ASB13: variants seen among roughly 807,000 people sequenced by gnomAD.
ASB13 encodes the protein ankyrin repeat and SOCS box containing 13, also known as ankyrin repeat and SOCS box protein 13.
Under a neutral mutation model 28.8 loss-of-function variants are expected in ASB13, and 33 were observed. That is an observed-to-expected ratio of 1.15 (90% CI 0.87 to 1.53). ASB13 has a LOEUF of 1.53. Among genes scored for constraint, ASB13 ranks in the 40% most tolerant of loss-of-function variants. The pLI is 0.00. For missense variants in ASB13, 414 were observed against 390.1 expected (o/e 1.06, Z -0.52); for synonymous variants, 182 against 172.9 (o/e 1.05, Z -0.41).
Position 5,641,906 on chromosome 10 carries a change from C to A in ASB13, c.573G>T (p.Lys191Asn), listed in dbSNP as rs751970743. ...LHETALHHAAKVKNVDLIEML... is the reference protein window; with the variant it reads ...LHETALHHAANVKNVDLIEML... Reference sequence around the variant, plus strand: ...TCTCGATGAGGTCAACATTCTTGACCTTGGCCGCGTGGTGAAGGGCAGTCT... The same window carrying A: ...TCTCGATGAGGTCAACATTCTTGACATTGGCCGCGTGGTGAAGGGCAGTCT... Residue 191 changes from lysine to asparagine, a missense_variant, in exon 5 of 6, where the codon AAG becomes AAT. Physicochemically the swap from Lys to Asn is moderately conservative, Grantham distance 94. Coordinates refer to ENST00000357700, the MANE Select transcript of ASB13 (RefSeq NM_024701.4). The surrounding 1 kb of genome is among the most constrained non-coding windows in gnomAD (Gnocchi z 8.4). 1.2e-6 allele frequency: 2 copies of A among 1,613,656 alleles called. No homozygotes were observed. The highest frequency in any genetic ancestry group is 1.7e-6 in the Non-Finnish European group (2 of 1,179,684).
At position 5,652,062 on chromosome 10, in the gene ASB13, A is replaced by ACACACACACAC. The variant is rs1588513752; in HGVS notation, c.232-700_232-699insGTGTGTGTGTG. On this transcript the variant is annotated intron_variant, in intron 2 of 5. Transcript: ENST00000357700. This position sits in a 1 kb window ranked among gnomAD's most constrained non-coding sequence, Gnocchi z 5.0. ...CACACACACACACACACACACACAC[A>ACACACACACAC]AAACTCTAACCTCAATGGAAGGAAT... Among the ~76,000 whole-genome samples the ACACACACACAC allele has an allele frequency of 4.1e-5, 6 of 146,306 alleles. No homozygotes were observed. The highest frequency in any genetic ancestry group is 1.3e-4 in the African/African-American group (5 of 39,694).
chr10:5,651,476 C>T lies in ASB13; in HGVS notation c.232-113G>A. ...GATGCTTCTTAGAAGCACCGGTTTG[C>T]TTTGCTATTATGTGCTAGGCAACGA... On this transcript the variant is annotated intron_variant, in intron 2 of 5. Transcript: ENST00000357700. This position sits in a 1 kb window ranked among gnomAD's most constrained non-coding sequence, Gnocchi z 5.1. 2 of 1,269,936 alleles carry T rather than the reference C, an allele frequency of 1.6e-6. No individual in the cohort carries two copies. Among genetic ancestry groups the T allele is most frequent in the South Asian group, 1.5e-5 (1 of 65,576 alleles). 78.7% of individuals were successfully genotyped at this position (1,269,936 alleles called of 1,614,324 possible).
chr10:5,647,218 C>T (rs77774997), intron 4 of ASB13, among the ~76,000 whole-genome samples: 170 of 152,346 alleles, frequency 1.1e-3, no homozygotes, highest in African/African-American at 3.9e-3. Context: ...CTCAGCCTCC[C>T]AAAGTGCTGA....
In ASB13 at chr10:5,653,630, T is replaced by C. The variant is rs1835023943; in HGVS notation, c.44-580A>G. On this transcript the variant is annotated intron_variant, in intron 1 of 5. Transcript: ENST00000357700. ...ATGTCATCTGCAAACAAAGATCATT[T>C]AACTTCTTCCTTTCTAATGTGGATG... 2.0e-5 allele frequency among the ~76,000 whole-genome samples: 3 copies of C among 152,280 alleles called. No homozygotes were observed. The South Asian group carries it at 6.2e-4, about 32-fold the overall frequency.
chr10:5,640,459 G>T lies in ASB13; in HGVS notation c.*244C>A, dbSNP rs549246038. The T allele has an allele frequency of 3.4e-5, 16 of 466,396 alleles. No homozygotes were observed. The highest frequency in any genetic ancestry group is 2.9e-4 in the African/African-American group (15 of 50,900). 28.9% of individuals were successfully genotyped at this position (466,396 alleles called of 1,614,324 possible). A position where few individuals can be genotyped will look rare whatever the true frequency, so the allele number is the denominator to read the frequency against. ...GGTTGGGCCCATGCCCATTGAGAGG[G>T]TAGGTTCTGTAGAACAGCGCAGGGC... On this transcript the variant is annotated 3_prime_UTR_variant, in exon 6 of 6. Transcript: ENST00000357700.
At chr10:5,640,915 C>A in intron 5 of ASB13, 85 bp from the exon 6 acceptor site, 3 of 1,525,282 alleles carry the variant, frequency 2.0e-6, no homozygotes, top group South Asian at 2.3e-5. Flanking sequence ...CAGAGGGAAT[C>A]GGAAACGCCT....
chr10:5,648,646 G>C lies in ASB13; in HGVS notation c.517+324C>G, dbSNP rs182630036. 2.4e-3 allele frequency among the ~76,000 whole-genome samples: 318 copies of C among 131,514 alleles called. 3 individuals carry two copies. The highest frequency in any genetic ancestry group is 8.8e-3 in the African/African-American group (302 of 34,198). 86.3% of individuals were successfully genotyped at this position (131,514 alleles called of 152,430 possible). ...AACAACCACGCAGGTAAACACCCAC[G>C]CGGGCAAACACCCACTCGGGCAAAC... On this transcript the variant is annotated intron_variant, in intron 4 of 5. Coordinates refer to ENST00000357700, the MANE Select transcript of ASB13 (RefSeq NM_024701.4).
chr10:5,651,959 G>A lies in ASB13; in HGVS notation c.232-596C>T, dbSNP rs950394953. Among the ~76,000 whole-genome samples, 4 of 134,410 alleles carry A rather than the reference G, an allele frequency of 3.0e-5. No homozygotes were observed. The highest frequency in any genetic ancestry group is 8.3e-5 in the Admixed American group (1 of 11,994). The allele number at this position is 134,410 out of a possible 152,430, so 88.2% of individuals were successfully genotyped here. On this transcript the variant is annotated intron_variant, in intron 2 of 5. Coordinates refer to ENST00000357700, the MANE Select transcript of ASB13 (RefSeq NM_024701.4). This position sits in a 1 kb window ranked among gnomAD's most constrained non-coding sequence, Gnocchi z 5.1. Reference sequence around the variant, plus strand: ...TGAGGTTGCAGTGAGCTATGATCACGCCACTGCATTCCAGCCTAGGCGACA... The same window carrying A: ...TGAGGTTGCAGTGAGCTATGATCACACCACTGCATTCCAGCCTAGGCGACA...
At chr10:5,657,089 T>C (rs1488035252) in intron 1 of ASB13, among the ~76,000 whole-genome samples, 1 of 152,178 alleles carries the variant, frequency 6.6e-6, no homozygotes, top group Admixed American at 6.5e-5. Flanking sequence ...GTATCACCAG[T>C]CTACAAAGGA....
At chr10:5,648,893 AAC>A (rs1240249464) in intron 4 of ASB13, 75 bp downstream of exon 4, 6 of 1,583,966 alleles carry the variant, frequency 3.8e-6, no homozygotes, top group Non-Finnish European at 5.2e-6. Context: ...CACTTGGGCA[AAC>A]ACCCACGCAG....
intron 1 of ASB13, among the ~76,000 whole-genome samples, chr10:5,665,623 G>C (rs1464615888): frequency 6.6e-6 from 1 of 152,188 alleles, no homozygotes; most frequent in Non-Finnish European, 1.5e-5. Flanking sequence ...GGAATGCCAA[G>C]TAAAAACACA....
In ASB13 at chr10:5,642,681, C is replaced by G; in HGVS notation, c.518-720G>C. The G allele has an allele frequency of 2.9e-6, 1 of 347,530 alleles. No individual in the cohort carries two copies. 21.5% of individuals were successfully genotyped at this position (347,530 alleles called of 1,614,324 possible). Reference sequence around the variant, plus strand: ...TTTTTTTTTGAGACAGAGTCTCACTCTGTTGCCCAGGCTGGAGTGCAGTGA... The same window carrying G: ...TTTTTTTTTGAGACAGAGTCTCACTGTGTTGCCCAGGCTGGAGTGCAGTGA... On this transcript the variant is annotated intron_variant, in intron 4 of 5. Coordinates refer to ENST00000357700, the MANE Select transcript of ASB13 (RefSeq NM_024701.4). The surrounding 1 kb of genome is among the most constrained non-coding windows in gnomAD (Gnocchi z 4.1).
In ASB13 at chr10:5,651,136, C is replaced by T. The variant is rs2131448764; in HGVS notation, c.382+77G>A. On this transcript the variant is annotated intron_variant, in intron 3 of 5. Transcript: ENST00000357700. This position sits in a 1 kb window ranked among gnomAD's most constrained non-coding sequence, Gnocchi z 5.1. ...CCAATTCTGTCTACTCTGCTTCCTT[C>T]CCTAAGTCCCTTTAATCCCAGAAAG... The T allele has an allele frequency of 6.7e-7, 1 of 1,498,658 alleles. No homozygotes were observed. Among genetic ancestry groups the T allele is most frequent in the East Asian group, 2.4e-5 (1 of 41,982 alleles). 92.8% of individuals were successfully genotyped at this position (1,498,658 alleles called of 1,614,324 possible).
Position 5,656,716 on chromosome 10 carries a change from A to G in ASB13, c.44-3666T>C, listed in dbSNP as rs570820932. On this transcript the variant is annotated intron_variant, in intron 1 of 5. Coordinates refer to ENST00000357700, the MANE Select transcript of ASB13 (RefSeq NM_024701.4). The surrounding 1 kb of genome is among the most constrained non-coding windows in gnomAD (Gnocchi z 4.3). ...CTCTGGGATTAAAAGGAAAGCATGTAAACAACTAGCTATGTTTTGTTAAAG... is the reference window on the plus strand; with the variant it reads ...CTCTGGGATTAAAAGGAAAGCATGTGAACAACTAGCTATGTTTTGTTAAAG... Among the ~76,000 whole-genome samples, 4 of 152,368 alleles carry G rather than the reference A, an allele frequency of 2.6e-5. No individual in the cohort carries two copies. The South Asian group carries it at 8.3e-4, about 32-fold the overall frequency.
Position 5,651,226 on chromosome 10 carries a change from C to A in ASB13, c.369G>T (p.Glu123Asp), listed in dbSNP as rs1252778754. ...PPLYTASPLH[E>D]ACMSGSSECV... The stretch of plus-strand genomic sequence containing the variant: ...CTGCCAACTCACCGCTCATGCAGGC[C>A]TCGTGCAGGGGGGACGCTGTGTACA... The change falls in exon 3 of 6, where the codon GAG (glutamate) becomes GAT (aspartate). Residue 123 changes from glutamate (E) to aspartate (D), a missense_variant. Transcript: ENST00000357700. This position sits in a 1 kb window ranked among gnomAD's most constrained non-coding sequence, Gnocchi z 5.1. 1 of 1,609,516 alleles carries A rather than the reference C, an allele frequency of 6.2e-7. No individual in the cohort carries two copies.
In ASB13 at chr10:5,656,784, C is replaced by T. The variant is rs1835082460; in HGVS notation, c.44-3734G>A. 6.6e-6 allele frequency among the ~76,000 whole-genome samples: 1 copy of T among 152,128 alleles called. No individual in the cohort carries two copies. The highest frequency in any genetic ancestry group is 1.5e-5 in the Non-Finnish European group (1 of 68,008). On this transcript the variant is annotated intron_variant, in intron 1 of 5. Coordinates refer to ENST00000357700, the MANE Select transcript of ASB13 (RefSeq NM_024701.4). This position sits in a 1 kb window ranked among gnomAD's most constrained non-coding sequence, Gnocchi z 4.3. ...GACCTGATCAAGGACAAAGATGTTC[C>T]CAACCTCCTAGGACCTTCACTGGTG...
rs1224157349 is a variant in ASB13 at position 5,645,908 on chromosome 10, T to G, written c.517+3062A>C. Reference sequence around the variant, plus strand: ...TGTTGTTTCTCTCTCCTCTGTATGTTTGAAATTTTCCGCAATGAAAAAATG... The same window carrying G: ...TGTTGTTTCTCTCTCCTCTGTATGTGTGAAATTTTCCGCAATGAAAAAATG... On this transcript the variant is annotated intron_variant, in intron 4 of 5. Coordinates refer to ENST00000357700, the MANE Select transcript of ASB13 (RefSeq NM_024701.4). This position sits in a 1 kb window ranked among gnomAD's most constrained non-coding sequence, Gnocchi z 5.4. 1.3e-5 allele frequency among the ~76,000 whole-genome samples: 2 copies of G among 152,198 alleles called. No homozygotes were observed. The highest frequency in any genetic ancestry group is 2.9e-5 in the Non-Finnish European group (2 of 68,038).
Position 5,648,985 on chromosome 10 carries a change from C to T in ASB13, c.502G>A (p.Val168Met), listed in dbSNP as rs775086741. Residue 168 changes from valine (V) to methionine (M), a missense_variant, in exon 4 of 6, where the codon GTG (valine) becomes ATG (methionine). Physicochemically the swap from Val to Met is conservative, Grantham distance 21 (BLOSUM62 1). Transcript: ENST00000357700. The part of the protein sequence containing the change: ...CAREHLDCVK[V>M]LLNAGANVNA... ...ACCCACTCACCTGCATTGAGCAGCA[C>T]TTTGACACAGTCCAGATGCTCCCGG... The T allele has an allele frequency of 6.2e-7, 1 of 1,614,042 alleles. No individual in the cohort carries two copies. The highest frequency in any genetic ancestry group is 8.5e-7 in the Non-Finnish European group (1 of 1,180,030).
In ASB13 at chr10:5,651,292, C is replaced by G; in HGVS notation, c.303G>C (p.Val101=). The G allele has an allele frequency of 6.2e-7, 1 of 1,614,100 alleles. No homozygotes were observed. Among genetic ancestry groups the G allele is most frequent in the Non-Finnish European group, 8.5e-7 (1 of 1,180,000 alleles). The change falls in exon 3 of 6, where the codon GTG becomes GTC. Residue 101 remains valine, a synonymous_variant. Coordinates refer to ENST00000357700, the MANE Select transcript of ASB13 (RefSeq NM_024701.4). This position sits in a 1 kb window ranked among gnomAD's most constrained non-coding sequence, Gnocchi z 5.1. ...TGGCCCCGTAGGACAGCAAGAGCTT[C>G]ACACACTCGATGCTGCCCGAGGCGC... ...DACASGSIEC[V]KLLLSYGAKV... is the part of the protein sequence containing the mutation.
Sources: gnomAD v4.1 joint callset for allele counts (sites outside exome capture counted in the v4.1 genomes callset) on GRCh38, gnomAD v4.1.1 for gene constraint, Gnocchi (gnomAD v3.1) non-coding constraint, MANE v1.5 for transcripts, NCBI Gene and HGNC (gene_info 2026-07-23, HGNC 2026-07-21) for gene names.